Variants in CFAP263 observed in about 807,000 individuals in gnomAD.
The protein encoded by CFAP263 is cilia and flagella associated protein 263, also known as cilia- and flagella-associated protein 263.
chr16:58,256,564 T>G, the CFAP263 span, among the ~76,000 whole-genome samples: 1 of 152,156 alleles, frequency 6.6e-6, no homozygotes, highest in African/African-American at 2.4e-5. Flanking sequence ...GAAGTCAGGT[T>G]GAGTAAGGCA....
chr16:58,280,211 G>T, the CFAP263 span: 1 of 1,592,458 alleles, frequency 6.3e-7, no homozygotes, highest in Non-Finnish European at 8.6e-7. Flanking sequence ...AGTTTGGTGG[G>T]GTAGCTCCTG....
chr16:58,280,598 C>T, the CFAP263 span: 50 of 1,613,988 alleles, frequency 3.1e-5, no homozygotes, highest in South Asian at 5.5e-5. Flanking sequence ...AGGGGAGGGC[C>T]GGCCCTCTCA....
At chr16:58,257,602 T>A in the CFAP263 span, among the ~76,000 whole-genome samples, 1 of 151,896 alleles carries the variant, frequency 6.6e-6, no homozygotes, top group Admixed American at 6.6e-5. Flanking sequence ...TTATAATATC[T>A]TCTTTATTTT....
chr16:58,278,417 C>T, the CFAP263 span: 1 of 1,449,868 alleles, frequency 6.9e-7, no homozygotes, highest in African/African-American at 1.4e-5. Context: ...GATGGCAGGG[C>T]CAGTGAGTTC....
the CFAP263 span, among the ~76,000 whole-genome samples, chr16:58,269,275 G>A: frequency 2.0e-3 from 311 of 152,286 alleles, 1 homozygote; most frequent in African/African-American, 7.0e-3. Context: ...AGGTTGCAGT[G>A]AGCCAAGATC....
chr16:58,280,131 C>T, the CFAP263 span: 2 of 1,316,960 alleles, frequency 1.5e-6, no homozygotes, highest in Non-Finnish European at 2.1e-6. Flanking sequence ...CCCCAGTGTG[C>T]AACTATCAAA....
the CFAP263 span, among the ~76,000 whole-genome samples, chr16:58,269,650 T>C: frequency 6.6e-6 from 1 of 152,240 alleles, no homozygotes; most frequent in African/African-American, 2.4e-5. Context: ...ACTTGTATCA[T>C]GTATCATTTG....
chr16:58,253,559 G>A, the CFAP263 span, among the ~76,000 whole-genome samples: 1 of 152,054 alleles, frequency 6.6e-6, no homozygotes, highest in Non-Finnish European at 1.5e-5. Context: ...TGGACCACCC[G>A]CTTCTGACCT....
chr16:58,264,484 A>G, the CFAP263 span, among the ~76,000 whole-genome samples: 1 of 152,188 alleles, frequency 6.6e-6, no homozygotes, highest in South Asian at 2.1e-4. Flanking sequence ...CCTGGGGGAA[A>G]TGGAGGCAGA....
chr16:58,280,440 T>C, the CFAP263 span: 3 of 1,614,212 alleles, frequency 1.9e-6, no homozygotes, highest in Non-Finnish European at 2.5e-6. Flanking sequence ...TGTTTCCTAG[T>C]CGTGAATGCG....
the CFAP263 span, among the ~76,000 whole-genome samples, chr16:58,250,860 C>G: frequency 6.6e-6 from 1 of 151,974 alleles, no homozygotes; most frequent in Non-Finnish European, 1.5e-5. Flanking sequence ...GCAATGTGTG[C>G]CTGAACCTGG....
chr16:58,265,833 T>A, the CFAP263 span, among the ~76,000 whole-genome samples: 6 of 152,188 alleles, frequency 3.9e-5, no homozygotes, highest in Non-Finnish European at 7.3e-5. Context: ...TCATCAGCCT[T>A]CGTGGATACC....
At chr16:58,278,506 A>T in the CFAP263 span, 1 of 1,614,176 alleles carries the variant, frequency 6.2e-7, no homozygotes. Flanking sequence ...CGAGGCAGTG[A>T]ATAAGAGGCT....
At chr16:58,273,162 T>C in the CFAP263 span, among the ~76,000 whole-genome samples, 1 of 152,202 alleles carries the variant, frequency 6.6e-6, no homozygotes, top group South Asian at 2.1e-4. Context: ...TGGGTGTGGA[T>C]TTATTTGCAT....
chr16:58,251,806 TC>T, the CFAP263 span, among the ~76,000 whole-genome samples: 1 of 13,236 alleles, frequency 7.6e-5, no homozygotes, highest in East Asian at 1.3e-3. Context: ...AAAGCTGTTC[TC>T]TCTCTCATAT....
chr16:58,254,200 C>T, the CFAP263 span: 3 of 1,603,956 alleles, frequency 1.9e-6, no homozygotes, highest in East Asian at 6.7e-5. Context: ...GCCCAGGCTC[C>T]CCACCTCTAC....
the CFAP263 span, among the ~76,000 whole-genome samples, chr16:58,270,316 G>A: frequency 6.6e-6 from 1 of 152,022 alleles, no homozygotes; most frequent in African/African-American, 2.4e-5. Context: ...GCCTACAACT[G>A]GGAAAAATCA....
At chr16:58,252,931 G>T in the CFAP263 span, 36 of 1,470,662 alleles carry the variant, frequency 2.4e-5, no homozygotes, top group Non-Finnish European at 3.4e-5. Context: ...TCTGCCTTTG[G>T]TGCGCCCTCT....
chr16:58,261,398 C>T, the CFAP263 span, among the ~76,000 whole-genome samples: 1 of 152,176 alleles, frequency 6.6e-6, no homozygotes, highest in African/African-American at 2.4e-5. Flanking sequence ...GGAAGAGGGG[C>T]TTTAAGCTGG....
Sources: gnomAD v4.1 joint callset for allele counts (sites outside exome capture counted in the v4.1 genomes callset) on GRCh38, gnomAD v4.1.1 for gene constraint, MANE v1.5 for transcripts, NCBI Gene and HGNC (gene_info 2026-07-23, HGNC 2026-07-21) for gene names.